Variants in MTCH2 observed in about 807,000 individuals in gnomAD.
MTCH2 encodes mitochondrial carrier homolog 2.
In MTCH2, 25 loss-of-function variants were observed where a neutral mutation model predicts 50.6. The observed-to-expected ratio is 0.49, with a 90% CI of 0.36 to 0.69. The LOEUF is 0.69. Ranked by LOEUF, MTCH2 falls within the 30% of genes least tolerant of loss-of-function variation. The pLI, the probability that MTCH2 is intolerant of heterozygous loss-of-function variation, is 0.00. For synonymous variants in MTCH2, 106 were observed against 132.0 expected, an observed-to-expected ratio of 0.80 and a Z score of 1.35; for missense variants, 273 against 384.4, an observed-to-expected ratio of 0.71 and a Z score of 2.42.
intron 5 of MTCH2, among the ~76,000 whole-genome samples, chr11:47,632,929 T>C (rs2097304518): frequency 6.6e-6 from 1 of 151,466 alleles, no homozygotes; most frequent in African/African-American, 2.4e-5. Flanking sequence ...TTTGAATGCC[T>C]GACCTCGTGA....
chr11:47,626,347 T>C (rs888726702), intron 10 of MTCH2, among the ~76,000 whole-genome samples: 2 of 150,554 alleles, frequency 1.3e-5, no homozygotes, highest in Non-Finnish European at 3.0e-5. Context: ...TTTTTTTTTT[T>C]CACTTTTGTA....
intron 8 of MTCH2, among the ~76,000 whole-genome samples, chr11:47,629,535 G>C (rs1400954867): frequency 6.6e-6 from 1 of 152,092 alleles, no homozygotes. Flanking sequence ...CCTAGGTGAG[G>C]CAGCATGGAA....
chr11:47,634,769 A>ATT (rs139407275), intron 4 of MTCH2, 35 bp from the exon 5 acceptor site: 113,707 of 718,704 alleles, frequency 0.16, 4,117 homozygotes, highest in South Asian at 0.22. Context: ...AGAGATCTTG[A>ATT]TTTTTTTTTT....
chr11:47,613,905 G>A (rs1410460408), downstream of MTCH2, among the ~76,000 whole-genome samples: 1 of 152,140 alleles, frequency 6.6e-6, no homozygotes, highest in Non-Finnish European at 1.5e-5. Flanking sequence ...CCAACATGGT[G>A]AAAGCCCGTC....
In MTCH2 at chr11:47,630,612, C is replaced by G. The variant is rs1288280603; in HGVS notation, c.482G>C (p.Gly161Ala). 1 of 1,609,918 alleles carries G rather than the reference C, an allele frequency of 6.2e-7. No homozygotes were observed. The part of the protein sequence containing the change: ...QFIGRESKYC[G>A]LCDSIITIYR... ...GATGGTTATTATGGAATCACAAAGT[C>G]CACTACGTACACAAGAAGAAAAGGT... The change falls in exon 8 of 13, where the codon GGA (glycine) becomes GCA (alanine). Residue 161 changes from glycine to alanine, a missense_variant and splice_region_variant. Gly to Ala is a moderately conservative substitution (Grantham distance 60). Around this residue, in one of 2 missense-constraint regions of MTCH2, gnomAD observed 203 missense variants for 244.3 expected, o/e 0.83. Transcript: ENST00000302503.
chr11:47,607,772 C>A, the MTCH2 span, among the ~76,000 whole-genome samples: 1 of 152,144 alleles, frequency 6.6e-6, no homozygotes, highest in Non-Finnish European at 1.5e-5. Flanking sequence ...GACCGAATCC[C>A]GATGCCCTTG....
chr11:47,631,589 C>A, intron 6 of MTCH2, 65 bp downstream of exon 6: 1 of 1,530,834 alleles, frequency 6.5e-7, no homozygotes, highest in Non-Finnish European at 9.0e-7. Flanking sequence ...CCCACGTCAA[C>A]CTATCTAAGT....
intron 10 of MTCH2, 99 bp from the exon 11 acceptor site, chr11:47,625,840 CTA>C: frequency 4.6e-6 from 4 of 860,648 alleles, no homozygotes; most frequent in Non-Finnish European, 7.4e-6. Flanking sequence ...GTGAGACACT[CTA>C]ACACTTGTCT....
intron 12 of MTCH2, among the ~76,000 whole-genome samples, chr11:47,622,040 T>C (rs1233698159): frequency 6.6e-6 from 1 of 152,046 alleles, no homozygotes; most frequent in Non-Finnish European, 1.5e-5. Context: ...GTTTTTGTAT[T>C]TTCTGTAGCA....
chr11:47,619,510 C>T (rs986635531), intron 12 of MTCH2, among the ~76,000 whole-genome samples: 9 of 152,096 alleles, frequency 5.9e-5, no homozygotes, highest in East Asian at 1.9e-4. Flanking sequence ...GCAGGGATTA[C>T]GGGTGTGATC....
intron 9 of MTCH2, among the ~76,000 whole-genome samples, chr11:47,627,355 A>T (rs909646357): frequency 7.3e-5 from 11 of 150,818 alleles, no homozygotes; most frequent in African/African-American, 2.7e-4. Context: ...GGGTCTCCCT[A>T]TGTTTGCCCA....
At chr11:47,631,752 G>C (rs766222261) in intron 5 of MTCH2, 41 bp from the exon 6 acceptor site, 1 of 1,606,292 alleles carries the variant, frequency 6.2e-7, no homozygotes, top group South Asian at 1.1e-5. Context: ...CTAAACAAAT[G>C]ACACTCAAAT....
the MTCH2 span, among the ~76,000 whole-genome samples, chr11:47,609,142 A>G: frequency 2.0e-5 from 3 of 147,002 alleles, no homozygotes; most frequent in African/African-American, 7.5e-5. Flanking sequence ...AAAAAAAAAA[A>G]AAAAGAAAAA....
At chr11:47,621,318 C>T (rs2097292969) in intron 12 of MTCH2, among the ~76,000 whole-genome samples, 1 of 152,172 alleles carries the variant, frequency 6.6e-6, no homozygotes, top group Non-Finnish European at 1.5e-5. Context: ...TATACGCTTT[C>T]TTCTACAATC....
At chr11:47,641,857 G>C (rs920851795) in intron 1 of MTCH2, among the ~76,000 whole-genome samples, 1 of 151,978 alleles carries the variant, frequency 6.6e-6, no homozygotes, top group Non-Finnish European at 1.5e-5. Context: ...TCAGTATCTG[G>C]TGCGAAAACC....
chr11:47,630,442 G>T, intron 8 of MTCH2, 113 bp downstream of exon 8: 1 of 945,806 alleles, frequency 1.1e-6, no homozygotes, highest in Non-Finnish European at 1.7e-6. Context: ...GTAACGTGAG[G>T]TAAGCCCAGG....
chr11:47,616,563 G>A (rs539773908), downstream of MTCH2, among the ~76,000 whole-genome samples: 1 of 151,854 alleles, frequency 6.6e-6, no homozygotes, highest in Non-Finnish European at 1.5e-5. Flanking sequence ...TTGGCCTCAA[G>A]TGATCCACCT....
chr11:47,642,099 A>AC (rs1382532239), intron 1 of MTCH2, among the ~76,000 whole-genome samples: 1 of 152,154 alleles, frequency 6.6e-6, no homozygotes, highest in African/African-American at 2.4e-5. Flanking sequence ...ACGAAGAACC[A>AC]AAGTTCAGAG....
chr11:47,642,041 G>A (rs999473254), intron 1 of MTCH2, among the ~76,000 whole-genome samples: 2 of 152,206 alleles, frequency 1.3e-5, no homozygotes, highest in Non-Finnish European at 2.9e-5. Flanking sequence ...GGGCGAGAGG[G>A]AGGGTTCGGA....
Sources: gnomAD v4.1 joint callset for allele counts (sites outside exome capture counted in the v4.1 genomes callset) on GRCh38, gnomAD v4.1.1 for gene constraint, gnomAD v4.1.1 regional missense constraint, MANE v1.5 for transcripts, NCBI Gene and HGNC (gene_info 2026-07-23, HGNC 2026-07-21) for gene names.